Variants in NR3C2 observed in about 807,000 individuals in gnomAD.
NR3C2 encodes the protein nuclear receptor subfamily 3 group C member 2.
In NR3C2, 15 loss-of-function variants were observed where a neutral mutation model predicts 86.4. The ratio of observed to expected loss-of-function variants is 0.17; its 90% confidence interval spans 0.12 to 0.27. The LOEUF (loss-of-function observed/expected upper bound fraction) is 0.27, where lower values mean the gene tolerates loss of function less well. Among genes scored for constraint, NR3C2 ranks in the 10% least tolerant of loss-of-function variants. NR3C2 has a pLI of 1.00. For synonymous variants in NR3C2, 458 were observed against 450.5 expected (o/e 1.02, Z -0.21); for missense variants, 960 against 1,195.6 (o/e 0.80, Z 2.91).
intron 3 of NR3C2, among the ~76,000 whole-genome samples, chr4:148,206,664 T>C (rs769776774): frequency 3.3e-5 from 5 of 152,148 alleles, no homozygotes; most frequent in Non-Finnish European, 5.9e-5. Flanking sequence ...GAGTTGAAGA[T>C]TAGAATCTGA....
chr4:148,330,038 G>A (rs954647225), intron 2 of NR3C2, among the ~76,000 whole-genome samples: 1 of 152,076 alleles, frequency 6.6e-6, no homozygotes. Flanking sequence ...TGCTATTTTG[G>A]AGATAAGTAC....
intron 2 of NR3C2, among the ~76,000 whole-genome samples, chr4:148,298,371 G>A (rs1253878545): frequency 6.6e-6 from 1 of 152,182 alleles, no homozygotes; most frequent in Non-Finnish European, 1.5e-5. Flanking sequence ...GAACAGTGAT[G>A]GCTGCCGGAA....
intron 3 of NR3C2, among the ~76,000 whole-genome samples, chr4:148,213,137 G>A (rs1041167116): frequency 3.4e-5 from 5 of 146,988 alleles, no homozygotes. Context: ...ACAATGATGG[G>A]TTTTTTTTTT....
intron 2 of NR3C2, chr4:148,368,483 C>G (rs769107690): frequency 2.3e-4 from 35 of 152,218 alleles, no homozygotes; most frequent in African/African-American, 7.7e-4. Context: ...CATAATGACA[C>G]ATTATTGTCA....
intron 6 of NR3C2, among the ~76,000 whole-genome samples, chr4:148,120,581 G>C (rs1012174995): frequency 6.6e-6 from 1 of 152,164 alleles, no homozygotes; most frequent in African/African-American, 2.4e-5. Context: ...GAGTAATACT[G>C]ACTGATGAGG....
At chr4:148,271,638 C>T (rs1046650845) in intron 2 of NR3C2, among the ~76,000 whole-genome samples, 2 of 152,132 alleles carry the variant, frequency 1.3e-5, no homozygotes, top group Non-Finnish European at 2.9e-5. Context: ...CTACCAAATA[C>T]TCTACCTCTT....
chr4:148,253,401 A>G (rs192574416), intron 3 of NR3C2, among the ~76,000 whole-genome samples: 15 of 152,268 alleles, frequency 9.9e-5, no homozygotes, highest in Admixed American at 8.5e-4. Context: ...CAAAGTAACT[A>G]AGACTTTTCT....
chr4:148,180,270 C>T (rs1364617618), intron 4 of NR3C2, among the ~76,000 whole-genome samples: 2 of 151,768 alleles, frequency 1.3e-5, no homozygotes, highest in Non-Finnish European at 2.9e-5. Context: ...AAAGATCTCT[C>T]TCTGGGTTTG....
At chr4:148,302,909 C>T (rs576508687) in intron 2 of NR3C2, among the ~76,000 whole-genome samples, 1 of 151,266 alleles carries the variant, frequency 6.6e-6, no homozygotes, top group Non-Finnish European at 1.5e-5. Context: ...GCTCTTGAGA[C>T]CTCAAGAAGA....
intron 6 of NR3C2, among the ~76,000 whole-genome samples, chr4:148,144,873 G>C (rs557445114): frequency 6.6e-6 from 1 of 152,300 alleles, no homozygotes; most frequent in African/African-American, 2.4e-5. Context: ...CAAGAGTCTT[G>C]AGCTCCACTG....
chr4:148,334,835 G>T (rs371915451), intron 2 of NR3C2, among the ~76,000 whole-genome samples: 1 of 152,204 alleles, frequency 6.6e-6, no homozygotes, highest in East Asian at 1.9e-4. Context: ...TGTTAGCAGG[G>T]TTGGGTTCCT....
At chr4:148,107,426 A>G (rs1361788417) in intron 8 of NR3C2, among the ~76,000 whole-genome samples, 2 of 152,232 alleles carry the variant, frequency 1.3e-5, no homozygotes, top group African/African-American at 4.8e-5. Flanking sequence ...ACCATTGTGG[A>G]AGACAGTGTG....
At chr4:148,294,877 A>G (rs920007553) in intron 2 of NR3C2, among the ~76,000 whole-genome samples, 1 of 152,154 alleles carries the variant, frequency 6.6e-6, no homozygotes, top group African/African-American at 2.4e-5. Context: ...TGTCCCAGCT[A>G]CTAAAGAGGC....
chr4:148,401,947 T>G (rs1478144868), intron 2 of NR3C2, among the ~76,000 whole-genome samples: 1 of 152,174 alleles, frequency 6.6e-6, no homozygotes, highest in Non-Finnish European at 1.5e-5. Flanking sequence ...AAATCATGAT[T>G]AAGCCACTGT....
intron 2 of NR3C2, 106 bp from the exon 3 acceptor site, chr4:148,260,223 T>A: frequency 7.1e-7 from 1 of 1,408,422 alleles, no homozygotes; most frequent in Non-Finnish European, 9.9e-7. Context: ...GATACAAGAA[T>A]TCAGTGTGTA....
intron 3 of NR3C2, among the ~76,000 whole-genome samples, chr4:148,227,424 C>T (rs1415161000): frequency 6.6e-6 from 1 of 152,110 alleles, no homozygotes; most frequent in Non-Finnish European, 1.5e-5. Flanking sequence ...GGCTAAGGTG[C>T]CCGCCAGGTT....
intron 6 of NR3C2, among the ~76,000 whole-genome samples, chr4:148,129,845 C>A (rs563679716): frequency 2.6e-5 from 4 of 152,152 alleles, no homozygotes; most frequent in Admixed American, 2.6e-4. Flanking sequence ...ATCTGCCCCC[C>A]GCTTCGCCTC....
At chr4:148,224,448 T>G (rs1305624572) in intron 3 of NR3C2, among the ~76,000 whole-genome samples, 1 of 152,200 alleles carries the variant, frequency 6.6e-6, no homozygotes, top group Non-Finnish European at 1.5e-5. Context: ...GTTTGTCACA[T>G]AAGTGTGCAG....
At chr4:148,168,341 C>T (rs142420865) in intron 4 of NR3C2, among the ~76,000 whole-genome samples, 7 of 152,298 alleles carry the variant, frequency 4.6e-5, no homozygotes, top group African/African-American at 1.7e-4. Flanking sequence ...ATTGCAAGCA[C>T]TCTAAGAGAA....
Sources: gnomAD v4.1 joint callset for allele counts (sites outside exome capture counted in the v4.1 genomes callset) on GRCh38, gnomAD v4.1.1 for gene constraint, MANE v1.5 for transcripts, NCBI Gene and HGNC (gene_info 2026-07-23, HGNC 2026-07-21) for gene names.